The following ROBO2 variants were observed in gnomAD, a reference collection of about 807,000 sequenced individuals.
ROBO2 encodes roundabout guidance receptor 2.
Under a neutral mutation model 160.8 loss-of-function variants are expected in ROBO2, and 53 were observed. The ratio of observed to expected loss-of-function variants is 0.33; its 90% confidence interval spans 0.26 to 0.41. The LOEUF (loss-of-function observed/expected upper bound fraction) is 0.41, where lower values mean the gene tolerates loss of function less well. Ranked by LOEUF, ROBO2 falls within the 10% of genes least tolerant of loss-of-function variation. The pLI, the probability that ROBO2 is intolerant of heterozygous loss-of-function variation, is 1.00. For synonymous variants in ROBO2, 664 were observed against 611.7 expected, an observed-to-expected ratio of 1.09 and a Z score of -1.26; for missense variants, 1,577 against 1,722.4, an observed-to-expected ratio of 0.92 and a Z score of 1.49.
At chr3:76,304,836 CAGTG>C (rs756825222) in intron 2 of ROBO2, among the ~76,000 whole-genome samples, 80 of 144,674 alleles carry the variant, frequency 5.5e-4, no homozygotes, top group Admixed American at 1.9e-3. Context: ...AATGAAGAAA[CAGTG>C]AGAATTTTCT....
At chr3:76,244,787 G>A (rs975322610) in intron 2 of ROBO2, among the ~76,000 whole-genome samples, 1 of 152,088 alleles carries the variant, frequency 6.6e-6, no homozygotes, top group Admixed American at 6.5e-5. Flanking sequence ...AGACAATACT[G>A]AAGGTCTTTT....
Position 76,067,167 on chromosome 3 carries a change from G to A in ROBO2, c.109+129565G>A, listed in dbSNP as rs982240188. On this transcript the variant is annotated intron_variant, in intron 2 of 26. Coordinates refer to the ROBO2 transcript ENST00000487694. ...TGAATCCCAGATTTGACACAAATCA[G>A]AAATGTGATCACAGGCCAGTTATCT... Among the ~76,000 whole-genome samples, 4 of 152,240 alleles carry A rather than the reference G, an allele frequency of 2.6e-5. No homozygotes were observed. In the East Asian group the frequency reaches 7.7e-4, roughly 29 times the overall value.
At position 76,983,772 on chromosome 3, in the gene ROBO2, A is replaced by G. The variant is rs560097065; in HGVS notation, c.110-114242A>G. On this transcript the variant is annotated intron_variant, in intron 2 of 26. Coordinates refer to the ROBO2 transcript ENST00000487694. ...TAAGGTACGTCCTCCCACTTTTACC[A>G]TGAGGAAACTGAATTCCTACAAGTT... 9.3e-4 allele frequency among the ~76,000 whole-genome samples: 141 copies of G among 152,318 alleles called. 1 individual carries two copies. In the South Asian group the frequency reaches 0.012, roughly 13 times the overall value.
chr3:77,328,774 G>A (rs2065696397), intron 2 of ROBO2, among the ~76,000 whole-genome samples: 1 of 152,182 alleles, frequency 6.6e-6, no homozygotes, highest in African/African-American at 2.4e-5. Context: ...AGCATGTAAA[G>A]TGTTATTCCC....
chr3:75,997,861 C>T (rs989290868), intron 2 of ROBO2, among the ~76,000 whole-genome samples: 2 of 152,086 alleles, frequency 1.3e-5, no homozygotes, highest in Non-Finnish European at 2.9e-5. Context: ...GTATTCACTT[C>T]CATAACTGTG....
At chr3:76,032,291 T>A (rs981856715) in intron 2 of ROBO2, among the ~76,000 whole-genome samples, 4 of 151,894 alleles carry the variant, frequency 2.6e-5, no homozygotes, top group African/African-American at 9.7e-5. Context: ...ACTTTGTTGA[T>A]CTTTCAAAAA....
chr3:76,560,935 T>TATATATATATATATATATATATAG, intron 2 of ROBO2, among the ~76,000 whole-genome samples: 1 of 744 alleles, frequency 1.3e-3, no homozygotes, highest in African/African-American at 1.9e-3. Context: ...AGAAGTAAGA[T>TATATATATATATATATATATATAG]ATATATATAT....
At chr3:77,109,619 A>G (rs537481326) in intron 2 of ROBO2, among the ~76,000 whole-genome samples, 1 of 152,200 alleles carries the variant, frequency 6.6e-6, no homozygotes, top group Non-Finnish European at 1.5e-5. Context: ...ATTAATAATA[A>G]TCTCTGGGGC....
chr3:76,885,485 A>G (rs1029587840), intron 2 of ROBO2, among the ~76,000 whole-genome samples: 27 of 152,214 alleles, frequency 1.8e-4, no homozygotes, highest in African/African-American at 4.6e-4. Context: ...ACGTTTTATC[A>G]TAATTTATTA....
intron 21 of ROBO2, among the ~76,000 whole-genome samples, chr3:77,610,346 C>A (rs1442842126): frequency 6.6e-6 from 1 of 151,626 alleles, no homozygotes; most frequent in Non-Finnish European, 1.5e-5. Context: ...TATTAGAGAC[C>A]AGACACTAAC....
At chr3:76,284,580 G>A (rs1392737494) in intron 2 of ROBO2, among the ~76,000 whole-genome samples, 1 of 152,052 alleles carries the variant, frequency 6.6e-6, no homozygotes, top group Non-Finnish European at 1.5e-5. Context: ...CTCTCAGTGT[G>A]CAATAACATT....
At chr3:76,704,944 G>C (rs1202811165) in intron 2 of ROBO2, among the ~76,000 whole-genome samples, 1 of 152,106 alleles carries the variant, frequency 6.6e-6, no homozygotes, top group Non-Finnish European at 1.5e-5. Context: ...TCTAAGGTCA[G>C]TAAATCAGTA....
intron 2 of ROBO2, among the ~76,000 whole-genome samples, chr3:77,454,814 T>A (rs1392445992): frequency 6.6e-6 from 1 of 152,176 alleles, no homozygotes; most frequent in African/African-American, 2.4e-5. Flanking sequence ...CATTCATTTG[T>A]GGTAGAGGTT....
intron 2 of ROBO2, among the ~76,000 whole-genome samples, chr3:77,134,173 G>C (rs1560081880): frequency 1.3e-5 from 2 of 149,052 alleles, no homozygotes; most frequent in African/African-American, 5.0e-5. Context: ...TGAAACTTTG[G>C]CTCAAAAAAA....
At chr3:77,390,270 A>G (rs1326911278) in intron 2 of ROBO2, among the ~76,000 whole-genome samples, 1 of 152,162 alleles carries the variant, frequency 6.6e-6, no homozygotes, top group Non-Finnish European at 1.5e-5. Context: ...TTGTTATATG[A>G]GAAAAAGTTC....
intron 2 of ROBO2, among the ~76,000 whole-genome samples, chr3:76,436,471 G>A (rs1187668743): frequency 2.0e-5 from 3 of 152,134 alleles, no homozygotes; most frequent in African/African-American, 7.2e-5. Flanking sequence ...TTTAGGTCTT[G>A]ACTTATGTAA....
chr3:76,564,991 A>C (rs1381673423), intron 2 of ROBO2, among the ~76,000 whole-genome samples: 1 of 152,190 alleles, frequency 6.6e-6, no homozygotes, highest in Non-Finnish European at 1.5e-5. Flanking sequence ...AAAAAGAGGG[A>C]GGCTGGTACA....
intron 2 of ROBO2, among the ~76,000 whole-genome samples, chr3:76,573,608 C>T (rs2085093581): frequency 6.6e-6 from 1 of 151,170 alleles, no homozygotes; most frequent in African/African-American, 2.4e-5. Flanking sequence ...TTTTTCTCCA[C>T]TGACTCTATA....
chr3:76,165,623 C>A (rs577748959), intron 2 of ROBO2, among the ~76,000 whole-genome samples: 1 of 152,212 alleles, frequency 6.6e-6, no homozygotes, highest in South Asian at 2.1e-4. Context: ...CTTTTAGCCT[C>A]CCTTGGCTGT....
Sources: allele counts gnomAD v4.1 joint callset (sites outside exome capture counted in the v4.1 genomes callset), GRCh38; gene constraint gnomAD v4.1.1; transcripts MANE v1.5; gene names NCBI Gene and HGNC (gene_info 2026-07-23, HGNC 2026-07-21).